AADACL2: variants seen among roughly 807,000 people sequenced by gnomAD.
AADACL2 encodes arylacetamide deacetylase like 2.
In AADACL2, 23 loss-of-function variants were observed where a neutral mutation model predicts 22.3. The ratio of observed to expected loss-of-function variants is 1.03; its 90% CI spans 0.74 to 1.46. The LOEUF (loss-of-function observed/expected upper bound fraction) is 1.46, where lower values mean the gene tolerates loss of function less well. Ranked by LOEUF, AADACL2 falls within the 40% of genes most tolerant of loss-of-function variation. The probability of loss-of-function intolerance (pLI) is 0.00; values close to 1 mark genes in which losing one functional copy is unlikely to be tolerated. For synonymous variants in AADACL2, 177 were observed against 166.2 expected, an observed-to-expected ratio of 1.07 and a Z score of -0.50; for missense variants, 472 against 482.9, an observed-to-expected ratio of 0.98 and a Z score of 0.21.
At chr3:151,744,001 C>A in intron 2 of AADACL2, 92 bp from the exon 3 acceptor site, 1 of 1,368,502 alleles carries the variant, frequency 7.3e-7, no homozygotes, top group South Asian at 1.2e-5. Context: ...GTGATATTCA[C>A]AAACCACAGT....
rs1576613757 is a variant in AADACL2, at chr3:151,745,782, C to A, written c.603+102C>A. ...CCCACCATTTGTTGAAAAGACCATTCTTTCCCATTGAATTACAGTAGCACT... is the reference window on the plus strand; with the variant it reads ...CCCACCATTTGTTGAAAAGACCATTATTTCCCATTGAATTACAGTAGCACT... On this transcript the variant is annotated intron_variant, in intron 4 of 4. Transcript: ENST00000356517. 4 of 1,220,904 alleles carry A rather than the reference C, an allele frequency of 3.3e-6. No homozygotes were observed. The East Asian group carries it at 9.9e-5, about 30-fold the overall frequency. 75.6% of individuals were successfully genotyped at this position (1,220,904 alleles called of 1,614,324 possible). A position where few individuals can be genotyped will look rare whatever the true frequency, so the allele number is the denominator to read the frequency against.
intron 4 of AADACL2, 123 bp from the exon 5 acceptor site, chr3:151,756,869 A>G: frequency 1.4e-6 from 1 of 693,750 alleles, no homozygotes; most frequent in Non-Finnish European, 2.0e-6. Context: ...TATAAAAATA[A>G]TTATGATACA....
At chr3:151,756,702 T>C (rs1052510649) in intron 4 of AADACL2, among the ~76,000 whole-genome samples, 1 of 148,352 alleles carries the variant, frequency 6.7e-6, no homozygotes, top group African/African-American at 2.5e-5. Context: ...AAAAATCCTG[T>C]GTATCTCTCT....
intron 2 of AADACL2, 117 bp downstream of exon 2, chr3:151,740,985 G>C (rs879672196): frequency 1.3e-6 from 1 of 793,574 alleles, no homozygotes; most frequent in African/African-American, 1.8e-5. Context: ...TACTTGTCTG[G>C]ATATGGATAA....
intron 1 of AADACL2, among the ~76,000 whole-genome samples, chr3:151,737,872 G>C (rs1009656796): frequency 6.6e-6 from 1 of 152,034 alleles, no homozygotes; most frequent in African/African-American, 2.4e-5. Context: ...TGGGTCTCCT[G>C]AATACAGCAC....
Position 151,757,189 on chromosome 3 carries a change from C to T in AADACL2, c.801C>T (p.Asn267=), listed in dbSNP as rs1279367091. 2 of 1,613,372 alleles carry T rather than the reference C, an allele frequency of 1.2e-6. No individual in the cohort carries two copies. The highest frequency in any genetic ancestry group is 2.7e-5 in the African/African-American group (2 of 74,844). ...CACTTCCCTGGGCAATGAGAAGAAACCAACACATGCCTCTGGAGTCAAGAC... is the reference window on the plus strand; with the variant it reads ...CACTTCCCTGGGCAATGAGAAGAAATCAACACATGCCTCTGGAGTCAAGAC... ...DEALPWAMRR[N]QHMPLESRHL... Residue 267 remains asparagine (N), a synonymous_variant, in exon 5 of 5, where the codon AAC becomes AAT. Transcript: ENST00000356517.
intron 4 of AADACL2, among the ~76,000 whole-genome samples, chr3:151,753,052 G>A (rs1351723158): frequency 1.3e-5 from 2 of 152,132 alleles, no homozygotes; most frequent in Non-Finnish European, 2.9e-5. Flanking sequence ...ATAATTAATG[G>A]TGATGATTTT....
At chr3:151,754,949 T>C (rs1195432874) in intron 4 of AADACL2, 1 of 152,138 alleles carries the variant, frequency 6.6e-6, no homozygotes, top group Non-Finnish European at 1.5e-5. Flanking sequence ...TTTGGTTTAG[T>C]ATTAATGTTT....
rs1248576745 is a variant in AADACL2, at chr3:151,760,492, T to G, written c.*2898T>G. On this transcript the variant is annotated 3_prime_UTR_variant, in exon 5 of 5. Coordinates refer to ENST00000356517, the MANE Select transcript of AADACL2 (RefSeq NM_207365.4). ...CAGGGAAAGTATACAGAAGAAATTC[T>G]TGACTTCATCTATCCGAATTTCTAC... 3.3e-5 allele frequency: 5 copies of G among 152,352 alleles called. No homozygotes were observed. In the East Asian group the frequency reaches 7.7e-4, roughly 23 times the overall value. 9.4% of individuals were successfully genotyped at this position (152,352 alleles called of 1,614,324 possible).
intron 1 of AADACL2, among the ~76,000 whole-genome samples, chr3:151,737,598 G>C (rs1489598802): frequency 6.6e-6 from 1 of 152,138 alleles, no homozygotes; most frequent in African/African-American, 2.4e-5. Context: ...GGGAGTCTAA[G>C]TCTCTTTGAA....
At chr3:151,745,705 A>G (rs1550964) in intron 4 of AADACL2, 25 bp downstream of exon 4, 146,419 of 1,543,524 alleles carry the variant, frequency 0.095, 8,183 homozygotes, top group South Asian at 0.2. Context: ...TTTTTATGAT[A>G]GGAGGCAGAA....
At chr3:151,746,365 G>GTTTTTTTTTTTTTTTTTT (rs11385894) in intron 4 of AADACL2, among the ~76,000 whole-genome samples, 1 of 136,970 alleles carries the variant, frequency 7.3e-6, no homozygotes, top group Non-Finnish European at 1.6e-5. Context: ...TGTTTTTTTT[G>GTTTTTTTTTTTTTTTTTT]TTTTTTTTTT....
chr3:151,748,249 A>T (rs1293589780), intron 4 of AADACL2, among the ~76,000 whole-genome samples: 1 of 152,192 alleles, frequency 6.6e-6, no homozygotes, highest in Non-Finnish European at 1.5e-5. Context: ...GTTTTATATT[A>T]AGTGTTAGAC....
intron 4 of AADACL2, among the ~76,000 whole-genome samples, chr3:151,749,238 T>C (rs537496647): frequency 6.6e-6 from 1 of 151,352 alleles, no homozygotes; most frequent in Non-Finnish European, 1.5e-5. Context: ...TGTGTATAGA[T>C]CTTTCTACCT....
At chr3:151,755,906 A>G (rs1713882105) in intron 4 of AADACL2, among the ~76,000 whole-genome samples, 1 of 152,030 alleles carries the variant, frequency 6.6e-6, no homozygotes, top group African/African-American at 2.4e-5. Flanking sequence ...GAGATTTGGG[A>G]TCTAGGAAAG....
At chr3:151,739,449 G>A (rs1480778080) in intron 1 of AADACL2, among the ~76,000 whole-genome samples, 3 of 152,206 alleles carry the variant, frequency 2.0e-5, no homozygotes, top group Non-Finnish European at 4.4e-5. Flanking sequence ...GCTGGGAGAT[G>A]TCTCCCTGTC....
At chr3:151,745,368 T>A (rs1247938561) in intron 3 of AADACL2, 141 bp from the exon 4 acceptor site, 4 of 789,362 alleles carry the variant, frequency 5.1e-6, no homozygotes, top group Non-Finnish European at 6.0e-6. Flanking sequence ...ATTTTCATTT[T>A]AATCAAGAGT....
chr3:151,739,794 G>A (rs967741373), intron 1 of AADACL2, among the ~76,000 whole-genome samples: 8 of 152,072 alleles, frequency 5.3e-5, no homozygotes, highest in South Asian at 4.1e-4. Flanking sequence ...CAAACCTCCC[G>A]GCCTCCTTAG....
chr3:151,757,739 T>C lies in AADACL2; in HGVS notation c.*145T>C. ...CAGTTAATGTGTGTCCTTGAAGAGT[T>C]ATTAAATTTTCTGACTTGCAGACCC... On this transcript the variant is annotated 3_prime_UTR_variant, in exon 5 of 5. Coordinates refer to ENST00000356517, the MANE Select transcript of AADACL2 (RefSeq NM_207365.4). 2 of 1,050,442 alleles carry C rather than the reference T, an allele frequency of 1.9e-6. No individual in the cohort carries two copies. Among genetic ancestry groups the C allele is most frequent in the South Asian group, 4.1e-5 (2 of 48,762 alleles). 65.1% of individuals were successfully genotyped at this position (1,050,442 alleles called of 1,614,324 possible).
Sources: allele counts gnomAD v4.1 joint callset (sites outside exome capture counted in the v4.1 genomes callset), GRCh38; gene constraint gnomAD v4.1.1; transcripts MANE v1.5; gene names NCBI Gene and HGNC (gene_info 2026-07-23, HGNC 2026-07-21).